The following FLI1 variants were observed in gnomAD, a reference collection of about 807,000 sequenced individuals.
FLI1 encodes the protein Fli-1 proto-oncogene, ETS transcription factor, also known as Friend leukemia integration 1 transcription factor.
A neutral mutation model predicts 53.1 loss-of-function variants in FLI1; 13 were observed. That is an observed-to-expected ratio of 0.24 (90% confidence interval 0.16 to 0.39). The LOEUF is 0.39. Among genes scored for constraint, FLI1 ranks in the 10% least tolerant of loss-of-function variants. The pLI, the probability that FLI1 is intolerant of heterozygous loss-of-function variation, is 1.00. For synonymous variants in FLI1, 244 were observed against 236.7 expected (o/e 1.03, Z -0.28); for missense variants, 424 against 600.5 (o/e 0.71, Z 3.07).
chr11:128,735,086 G>T (rs530747844), intron 1 of FLI1, among the ~76,000 whole-genome samples: 2 of 152,182 alleles, frequency 1.3e-5, no homozygotes, highest in Non-Finnish European at 2.9e-5. Context: ...TCAGCAAAGT[G>T]GGGGAGGGGA....
At chr11:128,784,590 G>A (rs1942029701) in intron 5 of FLI1, among the ~76,000 whole-genome samples, 1 of 152,166 alleles carries the variant, frequency 6.6e-6, no homozygotes, top group Non-Finnish European at 1.5e-5. Flanking sequence ...GAGCTGTCTT[G>A]CTCCTCTATG....
chr11:128,726,326 G>A (rs1158494473), intron 1 of FLI1, among the ~76,000 whole-genome samples: 5 of 152,186 alleles, frequency 3.3e-5, no homozygotes, highest in Admixed American at 3.3e-4. Context: ...TCTATGGCTA[G>A]TTTCAACCTA....
chr11:128,781,214 G>A (rs769711581), intron 4 of FLI1, among the ~76,000 whole-genome samples: 1 of 152,142 alleles, frequency 6.6e-6, no homozygotes, highest in Non-Finnish European at 1.5e-5. Flanking sequence ...AGTTCCTATT[G>A]GAATACTACC....
At chr11:128,786,927 G>C (rs1942104905) in intron 5 of FLI1, among the ~76,000 whole-genome samples, 1 of 152,188 alleles carries the variant, frequency 6.6e-6, no homozygotes, top group African/African-American at 2.4e-5. Flanking sequence ...CCCCAGCCTG[G>C]AGCCTTTCAG....
At chr11:128,697,826 CAG>C (rs937868991) in intron 1 of FLI1, among the ~76,000 whole-genome samples, 72 of 152,224 alleles carry the variant, frequency 4.7e-4, no homozygotes, top group African/African-American at 1.5e-3. Flanking sequence ...GAGGATAAAA[CAG>C]GGGTCAAAAC....
chr11:128,809,425 A>G lies in FLI1; in HGVS notation c.829+221A>G, dbSNP rs112399814. ...GCTGAGGATACTTCTAGGAATAAAC[A>G]CATCAGCACTGCACATGTGCACTTA... On this transcript the variant is annotated intron_variant, in intron 8 of 8. Transcript: ENST00000527786. Among the ~76,000 whole-genome samples the G allele has an allele frequency of 1.2e-4, 18 of 152,334 alleles. 1 individual carries two copies. The highest frequency in any genetic ancestry group is 4.3e-4 in the African/African-American group (18 of 41,584).
chr11:128,720,473 CT>C (rs1013986827), intron 1 of FLI1, among the ~76,000 whole-genome samples: 2 of 152,106 alleles, frequency 1.3e-5, no homozygotes, highest in Non-Finnish European at 1.5e-5. Flanking sequence ...CAAAGTCCCC[CT>C]AGAGTCATAA....
intron 5 of FLI1, among the ~76,000 whole-genome samples, chr11:128,799,969 C>G (rs888184594): frequency 6.6e-6 from 1 of 152,226 alleles, no homozygotes; most frequent in African/African-American, 2.4e-5. Flanking sequence ...ACCTGTCGGA[C>G]AGCCCAACAA....
At chr11:128,705,708 C>G (rs1326193718) in intron 1 of FLI1, among the ~76,000 whole-genome samples, 1 of 152,196 alleles carries the variant, frequency 6.6e-6, no homozygotes, top group Non-Finnish European at 1.5e-5. Context: ...CTGCCTCACA[C>G]CAGTTCCTTT....
At chr11:128,773,048 G>A in intron 4 of FLI1, 63 bp downstream of exon 4, 1 of 1,469,632 alleles carries the variant, frequency 6.8e-7, no homozygotes, top group Non-Finnish European at 9.4e-7. Flanking sequence ...CCCAGGGAGA[G>A]GAAGTCAGTG....
chr11:128,686,815 C>T (rs151037841), intron 1 of FLI1: 1 of 240,164 alleles, frequency 4.2e-6, no homozygotes, highest in Non-Finnish European at 8.6e-6. Flanking sequence ...GAAGTGGGCC[C>T]TACTCTCGGC....
At chr11:128,755,467 G>A (rs1236262449) in intron 1 of FLI1, among the ~76,000 whole-genome samples, 1 of 152,226 alleles carries the variant, frequency 6.6e-6, no homozygotes, top group Admixed American at 6.5e-5. Flanking sequence ...AGGTGGTAAT[G>A]TGTCCTCTGC....
chr11:128,792,988 T>TA (rs1942321757), intron 5 of FLI1, among the ~76,000 whole-genome samples: 1 of 151,888 alleles, frequency 6.6e-6, no homozygotes, highest in African/African-American at 2.4e-5. Flanking sequence ...TGTAGTGGTG[T>TA]GTTCCTATAG....
chr11:128,795,057 CA>C (rs956633780), intron 5 of FLI1, among the ~76,000 whole-genome samples: 9 of 152,328 alleles, frequency 5.9e-5, no homozygotes, highest in Middle Eastern at 3.4e-3. Context: ...GCCTGAGCGA[CA>C]GAGTGAGGCC....
chr11:128,768,575 G>A, intron 3 of FLI1: 1 of 334,858 alleles, frequency 3.0e-6, no homozygotes, highest in Non-Finnish European at 5.7e-6. Flanking sequence ...TATATTCCCA[G>A]CTACTCAGGG....
Position 128,760,442 on chromosome 11 carries a change from C to T in FLI1, c.230+2116C>T, listed in dbSNP as rs190221895. ...CCACCTGGTGAGGAGGCCTATTCTA[C>T]GATGCCTCCTAAATGGGGCCCTTCT... On this transcript the variant is annotated intron_variant, in intron 2 of 8. Coordinates refer to ENST00000527786, the MANE Select transcript of FLI1 (RefSeq NM_002017.5). Among the ~76,000 whole-genome samples the T allele has an allele frequency of 7.1e-4, 108 of 151,620 alleles. 3 individuals are homozygous for T. In the East Asian group the frequency reaches 0.016, roughly 22 times the overall value.
At chr11:128,702,958 A>T (rs1332832065) in intron 1 of FLI1, among the ~76,000 whole-genome samples, 3 of 152,198 alleles carry the variant, frequency 2.0e-5, no homozygotes, top group Non-Finnish European at 2.9e-5. Context: ...TAAAGCATAA[A>T]TGTCCTATCA....
upstream of FLI1, chr11:128,691,983 T>C (rs1937757946): frequency 6.6e-6 from 1 of 151,148 alleles, no homozygotes; most frequent in African/African-American, 2.4e-5. Context: ...CTCCTGGTGG[T>C]GGAGTTGGAG....
intron 5 of FLI1, among the ~76,000 whole-genome samples, chr11:128,788,440 G>A (rs928767024): frequency 1.3e-5 from 2 of 152,172 alleles, no homozygotes; most frequent in African/African-American, 2.4e-5. Flanking sequence ...CTGCACTCCA[G>A]CCTGGGTGAC....
Sources: gnomAD v4.1 joint callset for allele counts (sites outside exome capture counted in the v4.1 genomes callset) on GRCh38, gnomAD v4.1.1 for gene constraint, MANE v1.5 for transcripts, NCBI Gene and HGNC (gene_info 2026-07-23, HGNC 2026-07-21) for gene names.